Variants in ANK2 observed in about 807,000 individuals in gnomAD.
The protein encoded by ANK2 is ankyrin 2.
Under a neutral mutation model 360.5 loss-of-function variants are expected in ANK2, and 83 were observed. The observed-to-expected ratio is 0.23, with a 90% CI of 0.19 to 0.28. The LOEUF is 0.28. ANK2 is among the 10% of genes least tolerant of loss of function. The pLI is 1.00. For synonymous variants in ANK2, 1,740 were observed against 1,759.5 expected, an observed-to-expected ratio of 0.99 and a Z score of 0.28; for missense variants, 4,201 against 4,795.7, an observed-to-expected ratio of 0.88 and a Z score of 3.66.
intron 45 of ANK2, among the ~76,000 whole-genome samples, chr4:113,376,504 C>T (rs2096938899): frequency 6.6e-6 from 1 of 152,198 alleles, no homozygotes; most frequent in Admixed American, 6.5e-5. Context: ...CGTTATTATA[C>T]ACTACAGTAG....
chr4:113,346,174 T>C (rs2153991066), intron 35 of ANK2, 152 bp downstream of exon 35: 1 of 936,066 alleles, frequency 1.1e-6, no homozygotes, highest in Non-Finnish European at 1.6e-6. Flanking sequence ...ATTGAAAGCA[T>C]GTGTAATAAT....
At chr4:113,301,378 T>TACACACACACAC (rs59844602) in intron 22 of ANK2, among the ~76,000 whole-genome samples, 1 of 149,498 alleles carries the variant, frequency 6.7e-6, no homozygotes, top group African/African-American at 2.5e-5. Context: ...GATGTTTTGA[T>TACACACACACAC]ACACACACAC....
At chr4:112,799,698 G>A in the ANK2 span, among the ~76,000 whole-genome samples, 4 of 151,758 alleles carry the variant, frequency 2.6e-5, no homozygotes, top group South Asian at 2.1e-4. Flanking sequence ...TGTATTTTTA[G>A]TAGAGACAGG....
chr4:113,049,420 A>G (rs2065922419), upstream of ANK2, among the ~76,000 whole-genome samples: 1 of 152,138 alleles, frequency 6.6e-6, no homozygotes, highest in African/African-American at 2.4e-5. Context: ...GATCCTATCA[A>G]GGGTGTGTCA....
the ANK2 span, among the ~76,000 whole-genome samples, chr4:112,789,211 T>A: frequency 1.3e-5 from 2 of 152,184 alleles, no homozygotes; most frequent in Non-Finnish European, 2.9e-5. Flanking sequence ...CAAAAGGGAT[T>A]TGAGGGAAAA....
upstream of ANK2, among the ~76,000 whole-genome samples, chr4:113,046,434 T>G (rs567216578): frequency 6.6e-6 from 1 of 152,184 alleles, no homozygotes; most frequent in South Asian, 2.1e-4. Flanking sequence ...CCCAGTGTGA[T>G]GGTGTTAGGG....
chr4:113,179,890 G>A (rs373354657), intron 2 of ANK2, among the ~76,000 whole-genome samples: 5 of 152,294 alleles, frequency 3.3e-5, no homozygotes, highest in African/African-American at 1.2e-4. Flanking sequence ...TCACTATAGT[G>A]ACTTCAAAAT....
intron 24 of ANK2, 32 bp downstream of exon 24, chr4:113,311,431 C>T (rs1563653359): frequency 1.9e-6 from 3 of 1,612,210 alleles, no homozygotes; most frequent in Non-Finnish European, 2.5e-6. Flanking sequence ...TGATGTCAGC[C>T]AGAAGTATGT....
intron 8 of ANK2, among the ~76,000 whole-genome samples, chr4:113,240,793 A>G (rs1025033355): frequency 1.3e-5 from 2 of 152,166 alleles, no homozygotes; most frequent in African/African-American, 4.8e-5. Context: ...AAACTCATGC[A>G]AAAATTATTT....
rs201325557 is a variant in ANK2, at chr4:113,354,424, C to T, written c.5806C>T (p.Arg1936Cys). 1.2e-5 allele frequency: 20 copies of T among 1,613,980 alleles called. No individual in the cohort carries two copies. The Middle Eastern group carries it at 4.9e-4, about 40-fold the overall frequency. The change falls in exon 38 of 46, where the codon CGC becomes TGC. Residue 1936 changes from arginine (R) to cysteine (C), a missense_variant. By Grantham distance (180) the Arg-to-Cys change is radical (BLOSUM62 -3). Coordinates refer to ENST00000357077, the MANE Select transcript of ANK2 (RefSeq NM_001148.6). ...PPVSPGRTEK[R>C]LPVSPSGRTD... The stretch of plus-strand genomic sequence containing the variant: ...AGTATCGCCTGGGAGAACAGAAAAA[C>T]GCTTGCCTGTTTCACCCTCCGGAAG...
intron 2 of ANK2, among the ~76,000 whole-genome samples, chr4:113,038,869 G>A (rs1015800120): frequency 6.6e-6 from 1 of 152,082 alleles, no homozygotes; most frequent in African/African-American, 2.4e-5. Flanking sequence ...AGGTATGTGA[G>A]TAAGGATGCC....
At chr4:113,279,638 A>G (rs188478965) in intron 17 of ANK2, among the ~76,000 whole-genome samples, 174 of 149,114 alleles carry the variant, frequency 1.2e-3, no homozygotes, top group South Asian at 7.3e-3. Flanking sequence ...TATACATATT[A>G]TAAATAAAAA....
Position 112,827,467 on chromosome 4 carries a change from G to A in ANK2, c.-40+9203G>A. 2.2e-6 allele frequency: 3 copies of A among 1,357,862 alleles called. No homozygotes were observed. In the South Asian group the frequency reaches 3.5e-5, roughly 16 times the overall value. 84.1% of individuals were successfully genotyped at this position (1,357,862 alleles called of 1,614,324 possible). On this transcript the variant is annotated intron_variant, in intron 1 of 30. Transcript: ENST00000503271. Reference sequence around the variant, plus strand: ...CTTAAAAGACAACCTTCTTGCTTCTGGGACATCCAGCCTGACAGTCACCAA... The same window carrying A: ...CTTAAAAGACAACCTTCTTGCTTCTAGGACATCCAGCCTGACAGTCACCAA...
chr4:113,359,472 T>C (rs1427339828), intron 38 of ANK2, among the ~76,000 whole-genome samples, 173 bp downstream of exon 38: 1 of 152,182 alleles, frequency 6.6e-6, no homozygotes, highest in Non-Finnish European at 1.5e-5. Flanking sequence ...TATACTCTTG[T>C]CTAAGAAAAC....
chr4:112,989,618 T>C (rs2046070377), intron 2 of ANK2, among the ~76,000 whole-genome samples: 2 of 152,340 alleles, frequency 1.3e-5, no homozygotes, highest in South Asian at 4.1e-4. Context: ...TTTAAATTAA[T>C]GGTTTCAGAA....
At chr4:112,786,814 TCTCAG>T in the ANK2 span, among the ~76,000 whole-genome samples, 1 of 149,462 alleles carries the variant, frequency 6.7e-6, no homozygotes, top group Admixed American at 6.8e-5. Context: ...AGTGGCACGA[TCTCAG>T]CTCAGTGCAG....
chr4:112,939,586 A>T (rs1270590203), intron 2 of ANK2, among the ~76,000 whole-genome samples: 1 of 152,162 alleles, frequency 6.6e-6, no homozygotes, highest in Admixed American at 6.5e-5. Flanking sequence ...AAGTGCTGGG[A>T]TTACAGGCTT....
intron 23 of ANK2, among the ~76,000 whole-genome samples, chr4:113,307,072 A>G (rs1385561943): frequency 6.6e-6 from 1 of 152,230 alleles, no homozygotes; most frequent in Non-Finnish European, 1.5e-5. Flanking sequence ...CAAAATGCCC[A>G]TAGGAATGTG....
chr4:113,240,019 TC>T (rs1378545775), intron 7 of ANK2, among the ~76,000 whole-genome samples: 39 of 152,278 alleles, frequency 2.6e-4, no homozygotes, highest in African/African-American at 8.7e-4. Flanking sequence ...TTTTCATGCT[TC>T]CAAAAGTATA....
Sources: allele counts gnomAD v4.1 joint callset (sites outside exome capture counted in the v4.1 genomes callset), GRCh38; gene constraint gnomAD v4.1.1; transcripts MANE v1.5; gene names NCBI Gene and HGNC (gene_info 2026-07-23, HGNC 2026-07-21).